The following LRRTM4 variants were observed in gnomAD, a reference collection of about 807,000 sequenced individuals.
LRRTM4 encodes the protein leucine rich repeat transmembrane neuronal 4, also known as leucine-rich repeat transmembrane neuronal protein 4.
A neutral mutation model predicts 47.6 loss-of-function variants in LRRTM4; 25 were observed. That is an observed-to-expected ratio of 0.53 (90% confidence interval 0.38 to 0.73). The LOEUF is 0.73. Ranked by LOEUF, LRRTM4 falls within the 30% of genes least tolerant of loss-of-function variation. LRRTM4 has a pLI of 0.00. For synonymous variants in LRRTM4, 311 were observed against 269.5 expected, an observed-to-expected ratio of 1.15 and a Z score of -1.51; for missense variants, 638 against 713.4, an observed-to-expected ratio of 0.89 and a Z score of 1.20.
At chr2:77,069,314 G>C (rs1388677334) in intron 3 of LRRTM4, among the ~76,000 whole-genome samples, 1 of 151,664 alleles carries the variant, frequency 6.6e-6, no homozygotes, top group Admixed American at 6.6e-5. Context: ...TAACATACAT[G>C]TACAGGCTTT....
intron 3 of LRRTM4, among the ~76,000 whole-genome samples, chr2:77,081,523 T>C (rs148013519): frequency 2.0e-5 from 3 of 152,072 alleles, no homozygotes; most frequent in Non-Finnish European, 2.9e-5. Context: ...TATGTGCACA[T>C]AGAGGTAAAC....
intron 3 of LRRTM4, among the ~76,000 whole-genome samples, chr2:77,340,785 A>G (rs964905401): frequency 6.6e-6 from 1 of 151,912 alleles, no homozygotes; most frequent in Non-Finnish European, 1.5e-5. Context: ...TTGACACTAC[A>G]AGTTGTTTAA....
At chr2:76,902,705 A>G (rs11900282) in intron 3 of LRRTM4, among the ~76,000 whole-genome samples, 2,177 of 152,202 alleles carry the variant, frequency 0.014, 69 homozygotes, top group South Asian at 0.074. Context: ...TTTTACCTGG[A>G]CTTGCTCTCT....
rs1253276462 is a variant in LRRTM4, at chr2:76,800,341, A to C, written c.1552-51425T>G. ...GATCTTTGACAAACCTGAGAAAAACAAGCAATGGGGAAAGGATTCCCTATT... is the reference window on the plus strand; with the variant it reads ...GATCTTTGACAAACCTGAGAAAAACCAGCAATGGGGAAAGGATTCCCTATT... On this transcript the variant is annotated intron_variant, in intron 3 of 3. Coordinates refer to ENST00000409884, the MANE Select transcript of LRRTM4 (RefSeq NM_001134745.3). Among the ~76,000 whole-genome samples the C allele has an allele frequency of 2.2e-3, 322 of 143,246 alleles. 3 individuals are homozygous for C. Among genetic ancestry groups the C allele is most frequent in the Middle Eastern group, 6.9e-3 (2 of 288 alleles). The allele number at this position is 143,246 out of a possible 152,430, so 94.0% of individuals were successfully genotyped here.
At chr2:77,473,158 C>T (rs1264280488) in intron 3 of LRRTM4, among the ~76,000 whole-genome samples, 1 of 152,052 alleles carries the variant, frequency 6.6e-6, no homozygotes, top group East Asian at 1.9e-4. Context: ...ATTATCTTCC[C>T]TGCCCGTCTT....
chr2:77,518,096 C>A, intron 3 of LRRTM4: 1 of 1,274,518 alleles, frequency 7.8e-7, no homozygotes, highest in Non-Finnish European at 9.9e-7. Flanking sequence ...TCCAACTTAT[C>A]CTTGAATGAA....
At chr2:76,930,848 T>C (rs1674746698) in intron 3 of LRRTM4, among the ~76,000 whole-genome samples, 2 of 152,198 alleles carry the variant, frequency 1.3e-5, no homozygotes, top group Admixed American at 6.5e-5. Flanking sequence ...TTAGAAATGC[T>C]CAAGAAATTA....
chr2:77,339,935 G>A (rs1411387465), intron 3 of LRRTM4, among the ~76,000 whole-genome samples: 1 of 152,042 alleles, frequency 6.6e-6, no homozygotes, highest in South Asian at 2.1e-4. Flanking sequence ...GTTGACAACT[G>A]AGACCAAGAA....
intron 3 of LRRTM4, among the ~76,000 whole-genome samples, chr2:77,452,973 T>C (rs1324017037): frequency 2.6e-5 from 4 of 152,082 alleles, no homozygotes; most frequent in South Asian, 2.1e-4. Context: ...TGACCTTATA[T>C]ATAAACTTAT....
Position 77,194,138 on chromosome 2 carries a change from G to T in LRRTM4, c.1551+324180C>A, listed in dbSNP as rs529615721. On this transcript the variant is annotated intron_variant, in intron 3 of 3. Coordinates refer to ENST00000409884, the MANE Select transcript of LRRTM4 (RefSeq NM_001134745.3). ...GTGTCATAAGGGCCTTCTTGCCCAG[G>T]TCTTGGAGTTGTGCTGAAGAGAGGA... Among the ~76,000 whole-genome samples the T allele has an allele frequency of 2.6e-5, 4 of 152,202 alleles. No homozygotes were observed. In the South Asian group the frequency reaches 8.3e-4, roughly 32 times the overall value.
chr2:77,430,857 A>G (rs1675345160), intron 3 of LRRTM4, among the ~76,000 whole-genome samples: 1 of 148,324 alleles, frequency 6.7e-6, no homozygotes. Context: ...TGAGTGGGGG[A>G]AGATCTGCTC....
chr2:77,464,283 TCA>T (rs1676900179), intron 3 of LRRTM4, among the ~76,000 whole-genome samples: 1 of 152,118 alleles, frequency 6.6e-6, no homozygotes, highest in African/African-American at 2.4e-5. Context: ...GACAATGAAA[TCA>T]CTTTCTATAG....
intron 3 of LRRTM4, among the ~76,000 whole-genome samples, chr2:76,987,913 A>G (rs1211630257): frequency 1.3e-5 from 2 of 151,920 alleles, no homozygotes; most frequent in African/African-American, 2.4e-5. Flanking sequence ...AATATTGGTG[A>G]GTACTAATAA....
chr2:77,517,158 T>C (rs754281171), intron 3 of LRRTM4: 1 of 985,042 alleles, frequency 1.0e-6, no homozygotes, highest in Non-Finnish European at 1.2e-6. Flanking sequence ...CAGCATTACT[T>C]ATTGACAAGT....
intron 3 of LRRTM4, among the ~76,000 whole-genome samples, chr2:77,078,380 C>CACACA (rs1680416603): frequency 7.2e-6 from 1 of 139,244 alleles, no homozygotes; most frequent in African/African-American, 2.6e-5. Context: ...ACACACACAC[C>CACACA]CACACACACA....
chr2:76,954,856 T>C (rs1261285049), intron 3 of LRRTM4, among the ~76,000 whole-genome samples: 1 of 151,820 alleles, frequency 6.6e-6, no homozygotes, highest in Admixed American at 6.6e-5. Context: ...ATCAGTGATT[T>C]ATCAGCAGAA....
At chr2:77,227,997 A>T (rs1320336534) in intron 3 of LRRTM4, among the ~76,000 whole-genome samples, 1 of 152,046 alleles carries the variant, frequency 6.6e-6, no homozygotes, top group East Asian at 1.9e-4. Flanking sequence ...TCTACGAGTT[A>T]TCAGGAAAAA....
chr2:77,492,036 T>C (rs1558768676), intron 3 of LRRTM4, among the ~76,000 whole-genome samples: 1 of 152,052 alleles, frequency 6.6e-6, no homozygotes, highest in Non-Finnish European at 1.5e-5. Flanking sequence ...ACAAGAATGA[T>C]TTCAAGTGGT....
rs180685739 is a variant in LRRTM4 at position 76,990,419 on chromosome 2, T to C, written c.1552-241503A>G. On this transcript the variant is annotated intron_variant, in intron 3 of 3. Transcript: ENST00000409884. ...CTGTCTTTAAAAGACTCATCTCCTATGTAATAACACACCTAGGCTCAAAGA... is the reference window on the plus strand; with the variant it reads ...CTGTCTTTAAAAGACTCATCTCCTACGTAATAACACACCTAGGCTCAAAGA... 4.6e-5 allele frequency among the ~76,000 whole-genome samples: 7 copies of C among 151,824 alleles called. No homozygotes were observed. The East Asian group carries it at 5.8e-4, about 13-fold the overall frequency.
Sources: allele counts gnomAD v4.1 joint callset (sites outside exome capture counted in the v4.1 genomes callset), GRCh38; gene constraint gnomAD v4.1.1; transcripts MANE v1.5; gene names NCBI Gene and HGNC (gene_info 2026-07-23, HGNC 2026-07-21).